SUGCT: variants seen among roughly 807,000 people sequenced by gnomAD.
The protein encoded by SUGCT is succinyl-CoA:glutarate-CoA transferase, also known as succinyl-CoA:glutarate CoA-transferase.
A neutral mutation model predicts 55.0 loss-of-function variants in SUGCT; 41 were observed. The observed-to-expected ratio is 0.74, with a 90% CI of 0.58 to 0.97. The LOEUF is 0.97. Ranked by LOEUF, SUGCT falls within the 50% of genes least tolerant of loss-of-function variation. SUGCT has a pLI of 0.00. For synonymous variants in SUGCT, 187 were observed against 200.4 expected, an observed-to-expected ratio of 0.93 and a Z score of 0.56; for missense variants, 568 against 547.8, an observed-to-expected ratio of 1.04 and a Z score of -0.37.
chr7:40,957,977 G>A, the SUGCT span, among the ~76,000 whole-genome samples: 1 of 152,110 alleles, frequency 6.6e-6, no homozygotes, highest in Non-Finnish European at 1.5e-5. Flanking sequence ...CTTTAACAAT[G>A]TTGCATTTTG....
chr7:40,386,518 A>T (rs1021739425), intron 9 of SUGCT, among the ~76,000 whole-genome samples: 5 of 152,164 alleles, frequency 3.3e-5, no homozygotes, highest in African/African-American at 1.2e-4. Context: ...CTCTCAACAG[A>T]GGCATACTGG....
chr7:41,011,983 T>G, the SUGCT span, among the ~76,000 whole-genome samples: 1 of 152,194 alleles, frequency 6.6e-6, no homozygotes, highest in African/African-American at 2.4e-5. Context: ...GTTCTTTCTC[T>G]GTTTCACTTC....
chr7:40,986,117 C>G, the SUGCT span, among the ~76,000 whole-genome samples: 11 of 152,196 alleles, frequency 7.2e-5, no homozygotes, highest in African/African-American at 2.7e-4. Context: ...TGATTACCAA[C>G]AGAATCCTCA....
At chr7:40,210,590 G>C (rs1381873771) in intron 6 of SUGCT, among the ~76,000 whole-genome samples, 1 of 152,088 alleles carries the variant, frequency 6.6e-6, no homozygotes, top group East Asian at 1.9e-4. Context: ...AGCAAGGCAA[G>C]TTATTTATAT....
chr7:40,704,000 C>G (rs1039971216), intron 12 of SUGCT, among the ~76,000 whole-genome samples: 2 of 152,240 alleles, frequency 1.3e-5, no homozygotes, highest in African/African-American at 4.8e-5. Flanking sequence ...ACGGTGGATC[C>G]TCCTTTCTGG....
chr7:40,304,591 C>G (rs1009938389), intron 8 of SUGCT, among the ~76,000 whole-genome samples: 1 of 151,454 alleles, frequency 6.6e-6, no homozygotes, highest in Admixed American at 6.6e-5. Context: ...CACCACCCCC[C>G]ACCCTTTCCT....
chr7:40,400,353 T>C (rs1356558990), intron 9 of SUGCT, among the ~76,000 whole-genome samples: 1 of 152,196 alleles, frequency 6.6e-6, no homozygotes, highest in Non-Finnish European at 1.5e-5. Flanking sequence ...GGCAACAGCA[T>C]CTGCTTCTGG....
chr7:40,319,772 T>C (rs1380014339), intron 9 of SUGCT, among the ~76,000 whole-genome samples: 1 of 152,200 alleles, frequency 6.6e-6, no homozygotes, highest in Non-Finnish European at 1.5e-5. Flanking sequence ...ATAATTTTGC[T>C]ACTTGTTGAA....
At chr7:40,926,553 G>A in the SUGCT span, among the ~76,000 whole-genome samples, 1 of 152,154 alleles carries the variant, frequency 6.6e-6, no homozygotes, top group Non-Finnish European at 1.5e-5. Context: ...AAATTTATAT[G>A]TTGAAGCCCT....
the SUGCT span, among the ~76,000 whole-genome samples, chr7:41,027,781 G>T: frequency 6.6e-6 from 1 of 152,062 alleles, no homozygotes; most frequent in Non-Finnish European, 1.5e-5. Flanking sequence ...TTTAATGATC[G>T]TCTAAAGACC....
At chr7:40,360,840 A>T (rs139613887) in intron 9 of SUGCT, among the ~76,000 whole-genome samples, 2 of 152,266 alleles carry the variant, frequency 1.3e-5, no homozygotes, top group East Asian at 3.9e-4. Flanking sequence ...GTGTTTAGAA[A>T]TATTAATAAA....
chr7:40,298,565 G>A lies in SUGCT; in HGVS notation c.721-18195G>A, dbSNP rs117100067. On this transcript the variant is annotated intron_variant, in intron 8 of 13. Transcript: ENST00000335693. ...ACTGATATGTGCAATCATTATTGTC[G>A]TGGGAAACACAGACCTATATATTAG... 3.5e-4 allele frequency among the ~76,000 whole-genome samples: 54 copies of A among 152,198 alleles called. 1 individual carries two copies. The East Asian group carries it at 8.9e-3, about 25-fold the overall frequency.
At chr7:40,554,609 T>A (rs190116837) in intron 12 of SUGCT, among the ~76,000 whole-genome samples, 1 of 152,324 alleles carries the variant, frequency 6.6e-6, no homozygotes, top group East Asian at 1.9e-4. Context: ...AAAAGCTGAC[T>A]TTTACAGAAG....
intron 7 of SUGCT, among the ~76,000 whole-genome samples, chr7:40,249,344 T>TATATATATATATATATATATATAA (rs1172651937): frequency 1.6e-5 from 2 of 128,134 alleles, no homozygotes; most frequent in African/African-American, 6.5e-5. Flanking sequence ...TATATATATA[T>TATATATATATATATATATATATAA]ATAATTATAT....
chr7:40,221,413 C>CAA (rs200885495), intron 6 of SUGCT, among the ~76,000 whole-genome samples: 2 of 87,932 alleles, frequency 2.3e-5, no homozygotes, highest in African/African-American at 4.1e-5. Context: ...GACCCTGTCT[C>CAA]AAAAAAAAAA....
chr7:40,238,835 T>C (rs1789177594), intron 7 of SUGCT, among the ~76,000 whole-genome samples: 1 of 151,742 alleles, frequency 6.6e-6, no homozygotes, highest in African/African-American at 2.4e-5. Context: ...TTTTTTTTTT[T>C]TTTAAGTCAG....
At position 40,509,316 on chromosome 7, in the gene SUGCT, C is replaced by T. The variant is rs185161722; in HGVS notation, c.1089+12930C>T. Among the ~76,000 whole-genome samples, 4 of 152,206 alleles carry T rather than the reference C, an allele frequency of 2.6e-5. No homozygotes were observed. The East Asian group carries it at 7.7e-4, about 29-fold the overall frequency. ...CCAAAATACTATGACTTTCATTACC[C>T]TAATCTACTGTGCACTTCCGCAGCC... On this transcript the variant is annotated intron_variant, in intron 12 of 13. Transcript: ENST00000335693.
intron 12 of SUGCT, among the ~76,000 whole-genome samples, chr7:40,645,877 A>G (rs1800479084): frequency 6.6e-6 from 1 of 152,090 alleles, no homozygotes; most frequent in Admixed American, 6.5e-5. Flanking sequence ...TCCAATTACA[A>G]CTTCCACGTT....
At position 40,135,095 on chromosome 7, in the gene SUGCT, G is replaced by A. The variant is rs748559687; in HGVS notation, c.75G>A (p.Gly25=). The A allele has an allele frequency of 6.4e-7, 1 of 1,557,976 alleles. No homozygotes were observed. The highest frequency in any genetic ancestry group is 8.7e-7 in the Non-Finnish European group (1 of 1,152,044). ...CLFSGRGGGR[G]LWTGRPQSDM... Reference sequence around the variant, plus strand: ...TCTCCGGCCGGGGCGGCGGGAGGGGGCTGTGGACTGGCCGCCCGCAGTCAG... The same window carrying A: ...TCTCCGGCCGGGGCGGCGGGAGGGGACTGTGGACTGGCCGCCCGCAGTCAG... Residue 25 remains glycine, a synonymous_variant, in exon 1 of 14, where the codon GGG becomes GGA. Transcript: ENST00000335693.
Sources: gnomAD v4.1 joint callset for allele counts (sites outside exome capture counted in the v4.1 genomes callset) on GRCh38, gnomAD v4.1.1 for gene constraint, MANE v1.5 for transcripts, NCBI Gene and HGNC (gene_info 2026-07-23, HGNC 2026-07-21) for gene names.